The following STK10 variants were observed in gnomAD, a reference collection of about 807,000 sequenced individuals.
The protein encoded by STK10 is serine/threonine kinase 10, also known as serine/threonine-protein kinase 10.
STK10 carries 78 observed loss-of-function variants against 113.8 expected under a neutral mutation model. The observed-to-expected ratio is 0.69, with a 90% CI of 0.57 to 0.83. The LOEUF (loss-of-function observed/expected upper bound fraction) is 0.83, where lower values mean the gene tolerates loss of function less well. Among genes scored for constraint, STK10 ranks in the 40% least tolerant of loss-of-function variants. The pLI, the probability that STK10 is intolerant of heterozygous loss-of-function variation, is 0.00. For missense variants in STK10, 1,109 were observed against 1,280.1 expected (o/e 0.87, Z 2.04); for synonymous variants, 465 against 494.7 (o/e 0.94, Z 0.80).
intron 1 of STK10, among the ~76,000 whole-genome samples, chr5:172,177,749 TTGCCTGTA>T (rs1191845651): frequency 6.6e-6 from 1 of 152,256 alleles, no homozygotes; most frequent in Non-Finnish European, 1.5e-5. Context: ...AAACCTGCCA[TTGCCTGTA>T]TAGCCTGCGT....
chr5:172,087,616 C>T (rs113388201), intron 10 of STK10, among the ~76,000 whole-genome samples: 28,123 of 105,650 alleles, frequency 0.27, 7,255 homozygotes, highest in African/African-American at 0.61. Context: ...AATTTATTTA[C>T]TTATTTATTT....
At chr5:172,086,241 G>A (rs1768557515) in intron 10 of STK10, among the ~76,000 whole-genome samples, 1 of 152,192 alleles carries the variant, frequency 6.6e-6, no homozygotes, top group South Asian at 2.1e-4. Context: ...AAGAGGCAAT[G>A]GCTGCCCTGC....
At chr5:172,061,363 G>C in intron 13 of STK10, 95 bp from the exon 14 acceptor site, 1 of 1,473,142 alleles carries the variant, frequency 6.8e-7, no homozygotes, top group Non-Finnish European at 9.0e-7. Flanking sequence ...CGTGATCAGA[G>C]AAGAAAATGC....
At chr5:172,046,087 C>T (rs539471174) in intron 18 of STK10, among the ~76,000 whole-genome samples, 13 of 151,468 alleles carry the variant, frequency 8.6e-5, no homozygotes, top group South Asian at 8.5e-4. Context: ...AGGCCAGGTG[C>T]GGTGTCTCAG....
At chr5:172,172,125 G>A (rs969473900) in intron 1 of STK10, among the ~76,000 whole-genome samples, 1 of 152,204 alleles carries the variant, frequency 6.6e-6, no homozygotes, top group South Asian at 2.1e-4. Flanking sequence ...AGGTGGTGGA[G>A]GTTGCAGTGA....
chr5:172,181,257 C>A (rs1157151218), intron 1 of STK10, among the ~76,000 whole-genome samples: 2 of 152,160 alleles, frequency 1.3e-5, no homozygotes, highest in Non-Finnish European at 2.9e-5. Context: ...ACGTAACTTG[C>A]GTAAAACTGT....
intron 12 of STK10, among the ~76,000 whole-genome samples, chr5:172,079,291 C>T (rs1768378291): frequency 1.3e-5 from 2 of 152,118 alleles, no homozygotes; most frequent in African/African-American, 4.8e-5. Flanking sequence ...ACCTCAGGAC[C>T]TCTGCAGGTG....
chr5:172,168,035 G>A (rs1333915318), intron 1 of STK10, among the ~76,000 whole-genome samples: 1 of 152,250 alleles, frequency 6.6e-6, no homozygotes, highest in Non-Finnish European at 1.5e-5. Context: ...AGGTGTGAGG[G>A]AAGGCTCCCA....
In STK10 at chr5:172,043,046, T is replaced by C. The variant is rs972102522; in HGVS notation, c.*1836A>G. On this transcript the variant is annotated 3_prime_UTR_variant, in exon 19 of 19. Coordinates refer to ENST00000176763, the MANE Select transcript of STK10 (RefSeq NM_005990.4). ...CGGGAGAATCAGTTGAGCCACGAGTTTGAGATCAGCTTGGGCAACATATTA... is the reference window on the plus strand; with the variant it reads ...CGGGAGAATCAGTTGAGCCACGAGTCTGAGATCAGCTTGGGCAACATATTA... The C allele has an allele frequency of 6.6e-6, 1 of 152,134 alleles. No homozygotes were observed. Among genetic ancestry groups the C allele is most frequent in the African/African-American group, 2.4e-5 (1 of 41,430 alleles). The allele number at this position is 152,134 out of a possible 1,614,324, so 9.4% of individuals were successfully genotyped here. A position where few individuals can be genotyped will look rare whatever the true frequency, so the allele number is the denominator to read the frequency against.
At chr5:172,064,890 C>T (rs1768035390) in intron 12 of STK10, 78 bp from the exon 13 acceptor site, 21 of 1,512,156 alleles carry the variant, frequency 1.4e-5, no homozygotes, top group Non-Finnish European at 1.9e-5. Context: ...AACGCAGAAC[C>T]CCCGGGCCAG....
intron 2 of STK10, among the ~76,000 whole-genome samples, chr5:172,128,357 T>G (rs541821977): frequency 6.6e-6 from 1 of 150,738 alleles, no homozygotes; most frequent in Admixed American, 6.6e-5. Context: ...TTTTTTTTTT[T>G]TTAGACAGAC....
chr5:172,073,783 C>T (rs1264559271), intron 12 of STK10, among the ~76,000 whole-genome samples: 1 of 91,516 alleles, frequency 1.1e-5, no homozygotes, highest in Non-Finnish European at 2.1e-5. Flanking sequence ...CCCATCTCTA[C>T]TAAAAATAGC....
At position 172,056,837 on chromosome 5, in the gene STK10, G is replaced by A. The variant is rs532628843; in HGVS notation, c.2337+512C>T. Among the ~76,000 whole-genome samples, 12 of 150,540 alleles carry A rather than the reference G, an allele frequency of 8.0e-5. No individual in the cohort carries two copies. The East Asian group carries it at 9.8e-4, about 12-fold the overall frequency. ...TGCAGTGAGCCTAGATGGCGCCACT[G>A]CACTCCAGCCTGAGTGAGAGAGCGA... On this transcript the variant is annotated intron_variant, in intron 15 of 18. Coordinates refer to ENST00000176763, the MANE Select transcript of STK10 (RefSeq NM_005990.4).
chr5:172,108,507 T>C (rs1769165495), intron 4 of STK10, among the ~76,000 whole-genome samples: 1 of 151,486 alleles, frequency 6.6e-6, no homozygotes, highest in South Asian at 2.1e-4. Flanking sequence ...TCCCAGATAC[T>C]TGGGGGGCTG....
chr5:172,123,651 T>C (rs754291926), intron 3 of STK10, among the ~76,000 whole-genome samples: 3 of 152,162 alleles, frequency 2.0e-5, no homozygotes, highest in Non-Finnish European at 4.4e-5. Flanking sequence ...CCAGCCTCCA[T>C]TCCAGCTGTG....
chr5:172,069,176 GACAAA>G lies in STK10; in HGVS notation c.1990-4369_1990-4365del, dbSNP rs565519695. Among the ~76,000 whole-genome samples, 1,234 of 151,790 alleles carry G rather than the reference GACAAA, an allele frequency of 8.1e-3. 17 individuals carry two copies. Among genetic ancestry groups the G allele is most frequent in the African/African-American group, 0.028 (1,177 of 41,408 alleles). On this transcript the variant is annotated intron_variant, in intron 12 of 18. Coordinates refer to ENST00000176763, the MANE Select transcript of STK10 (RefSeq NM_005990.4). ...GAAGAGAGGAACAAAAACCAAAGGA[GACAAA>G]ACAGGTAATAATTTAATTAAATATA... is the stretch of plus-strand genomic sequence containing the variant.
chr5:172,059,614 C>T (rs73801814), intron 14 of STK10, among the ~76,000 whole-genome samples: 2,231 of 152,116 alleles, frequency 0.015, 58 homozygotes, highest in African/African-American at 0.051. Context: ...GACCCAGAGA[C>T]GCCCCGTCTG....
intron 2 of STK10, among the ~76,000 whole-genome samples, chr5:172,140,129 C>T (rs181446500): frequency 1.1e-4 from 16 of 152,108 alleles, no homozygotes; most frequent in Admixed American, 7.2e-4. Flanking sequence ...GAATGAAGGA[C>T]GTGAATGGAC....
At chr5:172,165,354 G>C (rs148414537) in intron 1 of STK10, among the ~76,000 whole-genome samples, 1 of 152,224 alleles carries the variant, frequency 6.6e-6, no homozygotes, top group Non-Finnish European at 1.5e-5. Context: ...GGTCCCATCT[G>C]TGACACTTGT....
Sources: allele counts gnomAD v4.1 joint callset (sites outside exome capture counted in the v4.1 genomes callset), GRCh38; gene constraint gnomAD v4.1.1; transcripts MANE v1.5; gene names NCBI Gene and HGNC (gene_info 2026-07-23, HGNC 2026-07-21).